The following ST8SIA2 variants were observed in gnomAD, a reference collection of about 807,000 sequenced individuals.
ST8SIA2 encodes the protein ST8 alpha-N-acetyl-neuraminide alpha-2,8-sialyltransferase 2, also known as alpha-2,8-sialyltransferase 8B.
A neutral mutation model predicts 37.6 loss-of-function variants in ST8SIA2; 22 were observed. That is an observed-to-expected ratio of 0.58 (90% CI 0.42 to 0.83). The LOEUF is 0.83. Among genes scored for constraint, ST8SIA2 ranks in the 40% least tolerant of loss-of-function variants. The pLI is 0.00. For synonymous variants in ST8SIA2, 205 were observed against 201.2 expected, an observed-to-expected ratio of 1.02 and a Z score of -0.16; for missense variants, 382 against 484.7, an observed-to-expected ratio of 0.79 and a Z score of 1.99.
In ST8SIA2 at chr15:92,434,380, T is replaced by G. The variant is rs1210135267; in HGVS notation, c.290+5T>G. ...GACGCTCTCTCTGAGGATCAGGTACTGGTAATTACCTACAGGACAAGAGGT... is the reference window on the plus strand; with the variant it reads ...GACGCTCTCTCTGAGGATCAGGTACGGGTAATTACCTACAGGACAAGAGGT... On this transcript the variant is annotated splice_donor_5th_base_variant and intron_variant, in intron 3 of 5. Transcript: ENST00000268164. 1 of 1,614,230 alleles carries G rather than the reference T, an allele frequency of 6.2e-7. No individual in the cohort carries two copies. The highest frequency in any genetic ancestry group is 1.6e-4 in the Middle Eastern group (1 of 6,062).
intron 4 of ST8SIA2, among the ~76,000 whole-genome samples, chr15:92,443,019 A>G (rs1176960667): frequency 6.6e-6 from 1 of 152,196 alleles, no homozygotes; most frequent in Admixed American, 6.5e-5. Flanking sequence ...TTAAAGGACC[A>G]GTCAGTGCCT....
intron 5 of ST8SIA2, among the ~76,000 whole-genome samples, chr15:92,453,706 T>A (rs1371695295): frequency 6.6e-6 from 1 of 152,210 alleles, no homozygotes; most frequent in Non-Finnish European, 1.5e-5. Flanking sequence ...CAGAGAAATT[T>A]GGAAGCTGAG....
intron 2 of ST8SIA2, among the ~76,000 whole-genome samples, chr15:92,432,419 C>G (rs145511679): frequency 4.6e-5 from 7 of 152,298 alleles, no homozygotes; most frequent in African/African-American, 1.7e-4. Flanking sequence ...CCAGAAACAT[C>G]GGTGCTCCTT....
chr15:92,396,455 T>C (rs2049430789), intron 1 of ST8SIA2, among the ~76,000 whole-genome samples: 1 of 150,376 alleles, frequency 6.6e-6, no homozygotes, highest in Non-Finnish European at 1.5e-5. Flanking sequence ...GGTTTCTTTT[T>C]GTTTGTTTGT....
At chr15:92,423,625 C>T (rs768654822) in intron 1 of ST8SIA2, among the ~76,000 whole-genome samples, 1 of 152,182 alleles carries the variant, frequency 6.6e-6, no homozygotes, top group Non-Finnish European at 1.5e-5. Context: ...AAGGGGAGGA[C>T]CACTGTGTCC....
intron 3 of ST8SIA2, among the ~76,000 whole-genome samples, chr15:92,437,429 G>T (rs1017126859): frequency 6.6e-6 from 1 of 152,146 alleles, no homozygotes; most frequent in Non-Finnish European, 1.5e-5. Context: ...TCCTTTCTTT[G>T]TGCTTTGCTA....
chr15:92,438,398 C>T lies in ST8SIA2; in HGVS notation c.336C>T (p.Val112=). 6.2e-7 allele frequency: 1 copy of T among 1,614,184 alleles called. No individual in the cohort carries two copies. The highest frequency in any genetic ancestry group is 8.5e-7 in the Non-Finnish European group (1 of 1,180,036). Residue 112 remains valine, a synonymous_variant, in exon 4 of 6, where the codon GTC becomes GTT. Coordinates refer to ENST00000268164, the MANE Select transcript of ST8SIA2 (RefSeq NM_006011.4). ...KFLDAEKDIS[V]LKGTLKPGDI... ...TGGATGCTGAAAAGGACATTTCTGT[C>T]CTAAAGGGAACCCTGAAGCCTGGAG...
Position 92,464,516 on chromosome 15 carries a change from AC to A in ST8SIA2, c.*133del. The A allele has an allele frequency of 2.1e-6, 2 of 940,238 alleles. No individual in the cohort carries two copies. Among genetic ancestry groups the A allele is most frequent in the Non-Finnish European group, 3.4e-6 (2 of 589,540 alleles). The allele number at this position is 940,238 out of a possible 1,614,324, so 58.2% of individuals were successfully genotyped here. On this transcript the variant is annotated 3_prime_UTR_variant, in exon 6 of 6. Coordinates refer to ENST00000268164, the MANE Select transcript of ST8SIA2 (RefSeq NM_006011.4). ...TTCTTTGTTAAAGTGTAAAACAGTG[AC>A]CAGAATATATATATCTATACCTGCA...
chr15:92,453,741 G>C (rs893825580), intron 5 of ST8SIA2, among the ~76,000 whole-genome samples: 12 of 152,236 alleles, frequency 7.9e-5, no homozygotes, highest in Admixed American at 5.2e-4. Flanking sequence ...AAGGTTCCAA[G>C]GAACAAGAGA....
In ST8SIA2 at chr15:92,405,588, T is replaced by C. The variant is rs115502902; in HGVS notation, c.98+11426T>C. Among the ~76,000 whole-genome samples the C allele has an allele frequency of 6.2e-3, 944 of 152,296 alleles. 11 individuals carry two copies. Among genetic ancestry groups the C allele is most frequent in the African/African-American group, 0.021 (884 of 41,552 alleles). On this transcript the variant is annotated intron_variant, in intron 1 of 5. Transcript: ENST00000268164. ...ACTTATTTTAAGAGCACAGTTGTGATTTTCAACAAAGCAACATCAATGTGG... is the reference window on the plus strand; with the variant it reads ...ACTTATTTTAAGAGCACAGTTGTGACTTTCAACAAAGCAACATCAATGTGG...
intron 1 of ST8SIA2, among the ~76,000 whole-genome samples, chr15:92,417,199 C>A (rs965082258): frequency 2.6e-5 from 4 of 152,190 alleles, no homozygotes; most frequent in Admixed American, 6.5e-5. Context: ...CATCAGGAAC[C>A]AGAACTCCAG....
At chr15:92,405,415 A>C (rs147427286) in intron 1 of ST8SIA2, among the ~76,000 whole-genome samples, 2,439 of 152,342 alleles carry the variant, frequency 0.016, 42 homozygotes, top group Middle Eastern at 0.031. Flanking sequence ...ATAGCTGCAG[A>C]ATAATATGAA....
At chr15:92,423,592 C>T (rs1457804257) in intron 1 of ST8SIA2, among the ~76,000 whole-genome samples, 1 of 152,244 alleles carries the variant, frequency 6.6e-6, no homozygotes, top group South Asian at 2.1e-4. Context: ...TGCAAGATGG[C>T]ACGTTGAGCA....
intron 4 of ST8SIA2, among the ~76,000 whole-genome samples, chr15:92,443,497 C>T (rs918497546): frequency 6.6e-6 from 1 of 152,220 alleles, no homozygotes; most frequent in Non-Finnish European, 1.5e-5. Flanking sequence ...CCCCTCCAAT[C>T]CATACTGCAA....
intron 4 of ST8SIA2, among the ~76,000 whole-genome samples, chr15:92,439,719 G>A (rs1310352099): frequency 6.6e-6 from 1 of 152,172 alleles, no homozygotes; most frequent in Non-Finnish European, 1.5e-5. Context: ...AGGTCTGTCT[G>A]GGCCTGGCAT....
At chr15:92,418,970 T>G (rs1041987375) in intron 1 of ST8SIA2, among the ~76,000 whole-genome samples, 2 of 152,122 alleles carry the variant, frequency 1.3e-5, no homozygotes, top group Middle Eastern at 3.2e-3. Context: ...TTGGGATCCT[T>G]TGTCATGTCT....
chr15:92,441,577 GCACACACACACA>G (rs112388744), intron 4 of ST8SIA2, among the ~76,000 whole-genome samples: 3,019 of 143,322 alleles, frequency 0.021, 87 homozygotes, highest in African/African-American at 0.065. Context: ...CACTGTGCAT[GCACACACACACA>G]CACACACACA....
intron 1 of ST8SIA2, among the ~76,000 whole-genome samples, chr15:92,409,600 G>T (rs780556036): frequency 2.0e-5 from 3 of 152,178 alleles, no homozygotes; most frequent in Non-Finnish European, 4.4e-5. Flanking sequence ...TGTATAGCGA[G>T]TGCATGACAC....
Position 92,468,686 on chromosome 15 carries a change from C to G in ST8SIA2, c.*4301C>G, listed in dbSNP as rs193033910. 1.3e-5 allele frequency: 2 copies of G among 152,698 alleles called. No individual in the cohort carries two copies. 9.5% of individuals were successfully genotyped at this position (152,698 alleles called of 1,614,324 possible). A position where few individuals can be genotyped will look rare whatever the true frequency, so the allele number is the denominator to read the frequency against. On this transcript the variant is annotated 3_prime_UTR_variant, in exon 6 of 6. Coordinates refer to ENST00000268164, the MANE Select transcript of ST8SIA2 (RefSeq NM_006011.4). ...ACAGCACTAGGCGTGGTGCATAGCA[C>G]ACAGCAGTTGCTCAATAAATGTTTG...
Sources: allele counts gnomAD v4.1 joint callset (sites outside exome capture counted in the v4.1 genomes callset), GRCh38; gene constraint gnomAD v4.1.1; transcripts MANE v1.5; gene names NCBI Gene and HGNC (gene_info 2026-07-23, HGNC 2026-07-21).